LBHD1: variants seen among roughly 807,000 people sequenced by gnomAD.
The protein encoded by LBHD1 is LBH domain-containing protein 1.
Under a neutral mutation model 31.1 loss-of-function variants are expected in LBHD1, and 28 were observed. The ratio of observed to expected loss-of-function variants is 0.90; its 90% CI spans 0.67 to 1.24. The LOEUF (loss-of-function observed/expected upper bound fraction) is 1.24. Among genes scored for constraint, LBHD1 ranks in the 50% most tolerant of loss-of-function variants. The pLI is 0.00. For missense variants in LBHD1, 350 were observed against 323.0 expected (o/e 1.08, Z -0.64); for synonymous variants, 105 against 116.5 (o/e 0.90, Z 0.63).
At position 62,669,970 on chromosome 11, in the gene LBHD1, G is replaced by T; in HGVS notation, c.62C>A (p.Ser21Tyr). 6.2e-7 allele frequency: 1 copy of T among 1,614,038 alleles called. No homozygotes were observed. The highest frequency in any genetic ancestry group is 1.1e-5 in the South Asian group (1 of 91,072). ...DGLWTRNSPG[S>Y]SQHPESPRLP... Reference sequence around the variant, plus strand: ...CCTGGGACTTTCTGGATGCTGGGAGGAGCCTGGGCTATTTCTAGTCCAAAG... The same window carrying T: ...CCTGGGACTTTCTGGATGCTGGGAGTAGCCTGGGCTATTTCTAGTCCAAAG... The change falls in exon 2 of 7, where the codon TCC becomes TAC. Residue 21 changes from serine to tyrosine, a missense_variant. Transcript: ENST00000354588.
chr11:62,665,461 C>T, intron 4 of LBHD1: 1 of 1,572,342 alleles, frequency 6.4e-7, no homozygotes, highest in Non-Finnish European at 8.6e-7. Context: ...TGGTGCCGCT[C>T]CCCGTAATGT....
rs1944950306 is a variant in LBHD1 at position 62,671,792 on chromosome 11, C to G, written c.-239G>C. 1 of 1,614,180 alleles carries G rather than the reference C, an allele frequency of 6.2e-7. No homozygotes were observed. Among genetic ancestry groups the G allele is most frequent in the Non-Finnish European group, 8.5e-7 (1 of 1,180,022 alleles). ...CTGATCTCAGTCGCAATGCTGGGCG[C>G]AGGGGCTGGCGTGGGCTACGCGCTC... On this transcript the variant is annotated 5_prime_UTR_variant, in exon 1 of 7. Coordinates refer to ENST00000354588, the MANE Select transcript of LBHD1 (RefSeq NM_024099.5).
In LBHD1 at chr11:62,669,519, T is replaced by C. The variant is rs538693245; in HGVS notation, c.313+122A>G. The C allele has an allele frequency of 1.4e-4, 214 of 1,508,882 alleles. No individual in the cohort carries two copies. In the African/African-American group the frequency reaches 2.7e-3, roughly 19 times the overall value. The allele number at this position is 1,508,882 out of a possible 1,614,324, so 93.5% of individuals were successfully genotyped here. ...GCCTTTTCTCTCCCACATCTTCACATTTATTGAGCACCTGCTGTGTGCCTG... is the reference window on the plus strand; with the variant it reads ...GCCTTTTCTCTCCCACATCTTCACACTTATTGAGCACCTGCTGTGTGCCTG... On this transcript the variant is annotated intron_variant, in intron 3 of 6. Coordinates refer to ENST00000354588, the MANE Select transcript of LBHD1 (RefSeq NM_024099.5).
chr11:62,667,042 C>T (rs377682780), intron 4 of LBHD1: 90 of 1,598,364 alleles, frequency 5.6e-5, no homozygotes, highest in Non-Finnish European at 6.9e-5. Context: ...TGATTCAAGG[C>T]TCTCATTAAA....
rs748796273 is a variant in LBHD1 at position 62,663,314 on chromosome 11, T to G, written c.683A>C (p.His228Pro). ...CTGCGCTTCTTCCCTGACAGTGTAA[T>G]GTTGGCACGTGCACTGGACCTGATG... ...QEAGVQCTCQ[H>P]YTVREEAQKT... The change falls in exon 6 of 7, where the codon CAT becomes CCT. Residue 228 changes from histidine (H) to proline (P), a missense_variant. Coordinates refer to ENST00000354588, the MANE Select transcript of LBHD1 (RefSeq NM_024099.5). 3.3e-5 allele frequency: 54 copies of G among 1,614,052 alleles called. No individual in the cohort carries two copies. In the South Asian group the frequency reaches 5.8e-4, roughly 17 times the overall value.
chr11:62,665,572 G>C, intron 4 of LBHD1: 1 of 1,568,962 alleles, frequency 6.4e-7, no homozygotes, highest in Admixed American at 1.7e-5. Context: ...GGGACACCGG[G>C]AATCTCGGAG....
At chr11:62,666,009 G>A in intron 4 of LBHD1, 2 of 1,547,150 alleles carry the variant, frequency 1.3e-6, no homozygotes, top group South Asian at 1.1e-5. Flanking sequence ...GGTAAGGTGG[G>A]TTCCTCGTGA....
intron 1 of LBHD1, chr11:62,671,271 G>T: frequency 1.9e-6 from 1 of 521,056 alleles, no homozygotes; most frequent in Non-Finnish European, 3.5e-6. Context: ...TTGACTTTGA[G>T]TGTTTGTTCC....
At position 62,667,593 on chromosome 11, in the gene LBHD1, T is replaced by G; in HGVS notation, c.468A>C (p.Ser156=). 1 of 1,614,172 alleles carries G rather than the reference T, an allele frequency of 6.2e-7. No individual in the cohort carries two copies. The highest frequency in any genetic ancestry group is 8.5e-7 in the Non-Finnish European group (1 of 1,180,022). Residue 156 remains serine (S), a synonymous_variant, in exon 4 of 7, where the codon TCA becomes TCC. Coordinates refer to ENST00000354588, the MANE Select transcript of LBHD1 (RefSeq NM_024099.5). ...EATNHCPFWD[S]TGSRVCRSGF... ...CACTTCTACAAACACGGGAGCCTGT[T>G]GAGTCCCAGAAGGGACAGTGGTTGG...
Position 62,664,927 on chromosome 11 carries a change from T to A in LBHD1, c.585A>T (p.Gly195=), listed in dbSNP as rs1944752974. 6.2e-7 allele frequency: 1 copy of A among 1,606,034 alleles called. No homozygotes were observed. Among genetic ancestry groups the A allele is most frequent in the Admixed American group, 1.7e-5 (1 of 58,808 alleles). The change falls in exon 5 of 7, where the codon GGA becomes GGT. Residue 195 remains glycine (G), a synonymous_variant. Coordinates refer to ENST00000354588, the MANE Select transcript of LBHD1 (RefSeq NM_024099.5). ...GACCACCCGGTGCCTCAGACGCCGC[T>A]CCCGATTCAACACCCGCCGGCGTTT... ...AVQTPAGVES[G]AASEAPGGRG...
intron 1 of LBHD1, chr11:62,671,359 G>T (rs1270279652): frequency 7.9e-7 from 1 of 1,259,442 alleles, no homozygotes; most frequent in Non-Finnish European, 1.0e-6. Flanking sequence ...GCGGGTGACT[G>T]CAGGAAACCA....
chr11:62,670,138 A>G, intron 1 of LBHD1, 97 bp from the exon 2 acceptor site: 1 of 1,290,272 alleles, frequency 7.8e-7, no homozygotes, highest in Non-Finnish European at 1.1e-6. Flanking sequence ...TGGCCCCTTA[A>G]GCACCGACTG....
Position 62,671,642 on chromosome 11 carries a change from C to T in LBHD1, c.-89G>A. On this transcript the variant is annotated 5_prime_UTR_variant, in exon 1 of 7. Coordinates refer to ENST00000354588, the MANE Select transcript of LBHD1 (RefSeq NM_024099.5). ...GCCGGCCGCTTATCTATGGTTTCTG[C>T]TATAGGGCGCTCTAGCCTGCGCCAA... is the stretch of plus-strand genomic sequence containing the variant. The T allele has an allele frequency of 6.5e-7, 1 of 1,533,872 alleles. No individual in the cohort carries two copies. Among genetic ancestry groups the T allele is most frequent in the Non-Finnish European group, 8.7e-7 (1 of 1,145,232 alleles).
intron 3 of LBHD1, 191 bp from the exon 4 acceptor site, chr11:62,667,938 C>G (rs370602751): frequency 2.2e-5 from 12 of 557,562 alleles, no homozygotes; most frequent in African/African-American, 1.9e-4. Flanking sequence ...GATAGTGGCA[C>G]AGGCATGTAG....
intron 4 of LBHD1, chr11:62,665,830 G>C (rs899188705): frequency 6.9e-6 from 11 of 1,602,080 alleles, no homozygotes; most frequent in Non-Finnish European, 9.4e-6. Context: ...GCTGGAGTAG[G>C]GTGGACGCTT....
At chr11:62,663,902 G>C (rs1230779685) in intron 5 of LBHD1, among the ~76,000 whole-genome samples, 3 of 149,880 alleles carry the variant, frequency 2.0e-5, no homozygotes, top group African/African-American at 7.4e-5. Context: ...GTGAAACCCC[G>C]TCTCTACTAA....
At chr11:62,669,104 T>C (rs1273877232) in intron 3 of LBHD1, among the ~76,000 whole-genome samples, 1 of 151,908 alleles carries the variant, frequency 6.6e-6, no homozygotes, top group Non-Finnish European at 1.5e-5. Flanking sequence ...GTATTTTTAG[T>C]AGAGACGGGG....
rs769745897 is a variant in LBHD1, at chr11:62,667,505, G to A, written c.538+18C>T. On this transcript the variant is annotated intron_variant, in intron 4 of 6. Coordinates refer to ENST00000354588, the MANE Select transcript of LBHD1 (RefSeq NM_024099.5). ...TAAACCTGGATGAGATATTTGAGGG[G>A]GAGGGAACAATACTTACCCTCAAAG... 6.3e-6 allele frequency: 10 copies of A among 1,599,740 alleles called. No homozygotes were observed. In the South Asian group the frequency reaches 1.1e-4, roughly 18 times the overall value.
chr11:62,665,793 T>C, intron 4 of LBHD1: 1 of 1,558,252 alleles, frequency 6.4e-7, no homozygotes, highest in East Asian at 2.3e-5. Flanking sequence ...AATTTGCAGA[T>C]CTTCCCCTGG....
Sources: allele counts gnomAD v4.1 joint callset (sites outside exome capture counted in the v4.1 genomes callset), GRCh38; gene constraint gnomAD v4.1.1; transcripts MANE v1.5; gene names NCBI Gene and HGNC (gene_info 2026-07-23, HGNC 2026-07-21).